GLIS3: variants seen among roughly 807,000 people sequenced by gnomAD.
GLIS3 encodes GLIS family zinc finger 3.
In GLIS3, 53 loss-of-function variants were observed where a neutral mutation model predicts 78.6. That is an observed-to-expected ratio of 0.67 (90% confidence interval 0.54 to 0.85). The LOEUF is 0.85. Ranked by LOEUF, GLIS3 falls within the 40% of genes least tolerant of loss-of-function variation. The pLI is 0.00. For missense variants in GLIS3, 1,703 were observed against 1,231.1 expected (o/e 1.38, Z -5.74); for synonymous variants, 684 against 509.9 (o/e 1.34, Z -4.60).
intron 2 of GLIS3, among the ~76,000 whole-genome samples, chr9:4,230,645 T>A (rs751592): frequency 9.9e-5 from 15 of 152,060 alleles, no homozygotes; most frequent in Non-Finnish European, 2.1e-4. Flanking sequence ...CAGGGAAATA[T>A]AAGCACCATT....
the GLIS3 span, among the ~76,000 whole-genome samples, chr9:4,393,228 A>G: frequency 1.3e-5 from 2 of 152,192 alleles, no homozygotes; most frequent in African/African-American, 2.4e-5. Context: ...CTCTCTCTAC[A>G]TACACATTTC....
chr9:4,234,308 C>T (rs572530042), intron 2 of GLIS3, among the ~76,000 whole-genome samples: 3 of 152,258 alleles, frequency 2.0e-5, no homozygotes, highest in Admixed American at 6.5e-5. Flanking sequence ...GAGATATGTG[C>T]GACTCCTCCT....
intron 4 of GLIS3, among the ~76,000 whole-genome samples, chr9:4,031,651 C>T (rs546902425): frequency 6.6e-6 from 1 of 152,258 alleles, no homozygotes; most frequent in South Asian, 2.1e-4. Context: ...ATTTCACTTC[C>T]ATTCTTAAAA....
intron 2 of GLIS3, among the ~76,000 whole-genome samples, chr9:4,336,432 C>T (rs746158502): frequency 6.6e-6 from 1 of 152,186 alleles, no homozygotes; most frequent in Non-Finnish European, 1.5e-5. Flanking sequence ...GGTCAGGGAC[C>T]TGGATCCCTT....
At position 4,125,693 on chromosome 9, in the gene GLIS3, T is replaced by C. The variant is rs373195158; in HGVS notation, c.596+41A>G. ...AACGGAAAACACTTGTGGGGTGTGTTTATACCATAAAGAAAGGGGAAAAAA... is the reference window on the plus strand; with the variant it reads ...AACGGAAAACACTTGTGGGGTGTGTCTATACCATAAAGAAAGGGGAAAAAA... On this transcript the variant is annotated intron_variant, in intron 3 of 10. Transcript: ENST00000381971. 2.0e-5 allele frequency: 28 copies of C among 1,423,652 alleles called. No homozygotes were observed. The African/African-American group carries it at 3.1e-4, about 16-fold the overall frequency. 88.2% of individuals were successfully genotyped at this position (1,423,652 alleles called of 1,614,324 possible).
chr9:4,354,921 C>T, the GLIS3 span, among the ~76,000 whole-genome samples: 1 of 152,142 alleles, frequency 6.6e-6, no homozygotes, highest in Non-Finnish European at 1.5e-5. Context: ...TCGAGACCAT[C>T]CTGGCTAACA....
the GLIS3 span, among the ~76,000 whole-genome samples, chr9:4,384,208 A>T: frequency 6.6e-6 from 1 of 152,218 alleles, no homozygotes; most frequent in African/African-American, 2.4e-5. Context: ...GGTGGTGAAC[A>T]CAGGGTGCTG....
At chr9:4,102,019 G>T (rs901924715) in intron 4 of GLIS3, among the ~76,000 whole-genome samples, 1 of 152,138 alleles carries the variant, frequency 6.6e-6, no homozygotes, top group African/African-American at 2.4e-5. Flanking sequence ...AAATGGATGA[G>T]CAATTGATCA....
chr9:4,151,791 A>G (rs993487719), intron 2 of GLIS3, among the ~76,000 whole-genome samples: 1 of 152,182 alleles, frequency 6.6e-6, no homozygotes, highest in Non-Finnish European at 1.5e-5. Context: ...GTAATGAAGC[A>G]TAATAATCAT....
chr9:4,470,308 T>C, the GLIS3 span, among the ~76,000 whole-genome samples: 4 of 152,186 alleles, frequency 2.6e-5, no homozygotes, highest in African/African-American at 7.2e-5. Flanking sequence ...AAAAGAAAGA[T>C]AATTTTAGGC....
intron 2 of GLIS3, among the ~76,000 whole-genome samples, chr9:4,255,316 A>T (rs1824820569): frequency 1.3e-5 from 2 of 152,208 alleles, no homozygotes; most frequent in South Asian, 4.1e-4. Context: ...TTTCCTGCCA[A>T]ACTAAATATA....
chr9:4,341,886 G>A (rs893342701), intron 2 of GLIS3, among the ~76,000 whole-genome samples: 2 of 152,064 alleles, frequency 1.3e-5, no homozygotes, highest in African/African-American at 2.4e-5. Flanking sequence ...TGTTGACCAC[G>A]TATATGTCTT....
At chr9:3,884,230 A>G (rs1821921453) in intron 7 of GLIS3, among the ~76,000 whole-genome samples, 1 of 152,162 alleles carries the variant, frequency 6.6e-6, no homozygotes, top group Admixed American at 6.5e-5. Context: ...CAGCTGTAAC[A>G]TATTTATTGT....
At chr9:4,063,077 G>C (rs1826792550) in intron 4 of GLIS3, among the ~76,000 whole-genome samples, 1 of 151,496 alleles carries the variant, frequency 6.6e-6, no homozygotes, top group Admixed American at 6.6e-5. Flanking sequence ...GGCAAACTGA[G>C]TTCCATATCT....
chr9:4,263,774 C>T (rs1825742432), intron 2 of GLIS3, among the ~76,000 whole-genome samples: 1 of 151,528 alleles, frequency 6.6e-6, no homozygotes, highest in Non-Finnish European at 1.5e-5. Context: ...TTGATCACTC[C>T]TTCCTTCCTT....
intron 4 of GLIS3, among the ~76,000 whole-genome samples, chr9:3,942,386 C>T (rs1463274268): frequency 6.6e-6 from 1 of 152,084 alleles, no homozygotes; most frequent in African/African-American, 2.4e-5. Flanking sequence ...ATGCCAGTTC[C>T]CATCTCCACA....
chr9:3,972,685 G>C (rs374618133), intron 4 of GLIS3, among the ~76,000 whole-genome samples: 2 of 152,136 alleles, frequency 1.3e-5, no homozygotes, highest in South Asian at 2.1e-4. Flanking sequence ...TTTAGGACTT[G>C]AGGTTATAGT....
At chr9:4,145,475 G>C (rs766932978) in intron 2 of GLIS3, among the ~76,000 whole-genome samples, 15 of 151,976 alleles carry the variant, frequency 9.9e-5, no homozygotes, top group Non-Finnish European at 2.1e-4. Context: ...CAATTGATTG[G>C]AACAACATGA....
At chr9:3,835,603 G>A (rs1340490449) in intron 9 of GLIS3, among the ~76,000 whole-genome samples, 3 of 152,190 alleles carry the variant, frequency 2.0e-5, no homozygotes, top group Non-Finnish European at 4.4e-5. Flanking sequence ...TAATGTGTGT[G>A]CTTGCCTTTG....
Sources: allele counts gnomAD v4.1 joint callset (sites outside exome capture counted in the v4.1 genomes callset), GRCh38; gene constraint gnomAD v4.1.1; transcripts MANE v1.5; gene names NCBI Gene and HGNC (gene_info 2026-07-23, HGNC 2026-07-21).